Variants in CNTN4 observed in about 807,000 individuals in gnomAD.
CNTN4 encodes contactin-4.
Under a neutral mutation model 122.5 loss-of-function variants are expected in CNTN4, and 77 were observed. That is an observed-to-expected ratio of 0.63 (90% CI 0.52 to 0.76). CNTN4 has a LOEUF of 0.76. Among genes scored for constraint, CNTN4 ranks in the 30% least tolerant of loss-of-function variants. CNTN4 has a pLI of 0.00. For missense variants in CNTN4, 1,256 were observed against 1,259.1 expected (o/e 1.00, Z 0.04); for synonymous variants, 512 against 447.0 (o/e 1.15, Z -1.83).
chr3:2,499,497 G>A (rs1201644820), intron 3 of CNTN4, among the ~76,000 whole-genome samples: 1 of 152,088 alleles, frequency 6.6e-6, no homozygotes, highest in Non-Finnish European at 1.5e-5. Context: ...ATTATGGGGT[G>A]TGAATTACAT....
intron 6 of CNTN4, among the ~76,000 whole-genome samples, chr3:2,761,436 ACCTGTGTGTG>A (rs753443420): frequency 2.8e-3 from 212 of 77,070 alleles, no homozygotes; most frequent in Non-Finnish European, 4.7e-3. Context: ...GGTAAGTGTA[ACCTGTGTGTG>A]TGTGTGTGTG....
intron 3 of CNTN4, among the ~76,000 whole-genome samples, chr3:2,377,079 C>G (rs1354061738): frequency 6.6e-6 from 1 of 151,862 alleles, no homozygotes; most frequent in African/African-American, 2.4e-5. Flanking sequence ...TCACTTGAAC[C>G]CGGGAGGCAG....
chr3:2,539,866 C>G (rs1398014473), intron 3 of CNTN4, among the ~76,000 whole-genome samples: 2 of 151,988 alleles, frequency 1.3e-5, no homozygotes, highest in East Asian at 3.9e-4. Context: ...CAAGAAAATG[C>G]TGCTTTGCAT....
At chr3:2,201,260 A>G (rs1040045145) in intron 2 of CNTN4, among the ~76,000 whole-genome samples, 3 of 152,050 alleles carry the variant, frequency 2.0e-5, no homozygotes, top group Admixed American at 6.6e-5. Flanking sequence ...CTTCAAGAAT[A>G]CTCCCTCAAA....
At chr3:2,878,247 A>G (rs1338258023) in intron 8 of CNTN4, among the ~76,000 whole-genome samples, 4 of 152,238 alleles carry the variant, frequency 2.6e-5, no homozygotes, top group African/African-American at 9.6e-5. Flanking sequence ...TGACTAGATA[A>G]ACAACATATA....
At chr3:2,774,260 C>CAAAACA (rs1313709622) in intron 6 of CNTN4, among the ~76,000 whole-genome samples, 1 of 151,836 alleles carries the variant, frequency 6.6e-6, no homozygotes, top group Non-Finnish European at 1.5e-5. Context: ...GACTCCATCT[C>CAAAACA]AAAACAAAAA....
chr3:2,907,709 G>A (rs972490772), intron 12 of CNTN4, among the ~76,000 whole-genome samples: 3 of 152,138 alleles, frequency 2.0e-5, no homozygotes, highest in East Asian at 1.9e-4. Context: ...ATAGCCCTAC[G>A]GTCATGAATA....
intron 3 of CNTN4, among the ~76,000 whole-genome samples, chr3:2,469,846 C>T (rs2151492688): frequency 6.6e-6 from 1 of 152,258 alleles, no homozygotes; most frequent in Middle Eastern, 3.4e-3. Context: ...ACGTAAATAA[C>T]TTTTCACTGT....
chr3:2,218,730 A>G (rs976559256), intron 2 of CNTN4, among the ~76,000 whole-genome samples: 1 of 152,216 alleles, frequency 6.6e-6, no homozygotes, highest in African/African-American at 2.4e-5. Flanking sequence ...AAGTTTACAT[A>G]CAGCAAAGAA....
chr3:2,484,489 T>G (rs1055448250), intron 3 of CNTN4, among the ~76,000 whole-genome samples: 12 of 152,164 alleles, frequency 7.9e-5, no homozygotes, highest in Non-Finnish European at 1.0e-4. Flanking sequence ...GTATTCCATG[T>G]GAGGACCCTG....
chr3:2,797,134 AGAATTATAGGT>A (rs2092211230), intron 6 of CNTN4, among the ~76,000 whole-genome samples: 1 of 152,046 alleles, frequency 6.6e-6, no homozygotes, highest in South Asian at 2.1e-4. Flanking sequence ...CTGAGTAGCT[AGAATTATAGGT>A]GTGCACCACC....
At chr3:2,962,749 A>G (rs1410383803) in intron 13 of CNTN4, among the ~76,000 whole-genome samples, 1 of 152,246 alleles carries the variant, frequency 6.6e-6, no homozygotes, top group Non-Finnish European at 1.5e-5. Flanking sequence ...GAGAACAGCT[A>G]TCCTCAAAAG....
intron 6 of CNTN4, among the ~76,000 whole-genome samples, chr3:2,795,207 A>T (rs1296806140): frequency 6.6e-6 from 1 of 152,238 alleles, no homozygotes; most frequent in Non-Finnish European, 1.5e-5. Context: ...TTTTGAAAGT[A>T]TCACAGTCAT....
intron 2 of CNTN4, among the ~76,000 whole-genome samples, chr3:2,162,730 G>A (rs1321320881): frequency 6.6e-6 from 1 of 152,194 alleles, no homozygotes; most frequent in Admixed American, 6.5e-5. Flanking sequence ...TTGAATATAG[G>A]AGAGAACAAT....
intron 4 of CNTN4, among the ~76,000 whole-genome samples, chr3:2,606,363 A>G (rs573345542): frequency 5.3e-5 from 8 of 152,296 alleles, no homozygotes; most frequent in African/African-American, 1.7e-4. Flanking sequence ...GAGGGAGAGC[A>G]TCAGGAAAAA....
rs143207711 is a variant in CNTN4, at chr3:3,038,433, C to T, written c.2093-500C>T. Among the ~76,000 whole-genome samples the T allele has an allele frequency of 3.3e-3, 510 of 152,244 alleles. 7 individuals are homozygous for T. Among genetic ancestry groups the T allele is most frequent in the Non-Finnish European group, 1.8e-3 (121 of 68,014 alleles). On this transcript the variant is annotated intron_variant, in intron 18 of 24. Transcript: ENST00000418658. ...TCGCCCACCCCAGCTCTGAGCAGGGCGCTACTCCGGAACGCCCCCCGCTTC... is the reference window on the plus strand; with the variant it reads ...TCGCCCACCCCAGCTCTGAGCAGGGTGCTACTCCGGAACGCCCCCCGCTTC...
intron 13 of CNTN4, among the ~76,000 whole-genome samples, chr3:2,938,325 C>T (rs559974710): frequency 3.9e-5 from 6 of 151,990 alleles, no homozygotes; most frequent in South Asian, 2.1e-4. Context: ...AATAGTAACA[C>T]CCAGCGCTTG....
chr3:2,538,968 A>G (rs904066060), intron 3 of CNTN4, among the ~76,000 whole-genome samples: 1 of 151,992 alleles, frequency 6.6e-6, no homozygotes, highest in Non-Finnish European at 1.5e-5. Flanking sequence ...TTTCCATCAA[A>G]TATATATGCT....
At chr3:2,697,856 G>C (rs1256221589) in intron 4 of CNTN4, among the ~76,000 whole-genome samples, 1 of 152,158 alleles carries the variant, frequency 6.6e-6, no homozygotes, top group African/African-American at 2.4e-5. Flanking sequence ...AGGCAGTCTG[G>C]AGGGAGAATT....
Sources: allele counts gnomAD v4.1 joint callset (sites outside exome capture counted in the v4.1 genomes callset), GRCh38; gene constraint gnomAD v4.1.1; transcripts MANE v1.5; gene names NCBI Gene and HGNC (gene_info 2026-07-23, HGNC 2026-07-21).